The following PSPC1 variants were observed in gnomAD, a reference collection of about 807,000 sequenced individuals.
The protein encoded by PSPC1 is paraspeckle component 1.
A neutral mutation model predicts 51.6 loss-of-function variants in PSPC1; 14 were observed. The observed-to-expected ratio is 0.27, with a 90% CI of 0.18 to 0.42. The LOEUF is 0.42. Ranked by LOEUF, PSPC1 falls within the 10% of genes least tolerant of loss-of-function variation. The pLI, the probability that PSPC1 is intolerant of heterozygous loss-of-function variation, is 1.00. For synonymous variants in PSPC1, 193 were observed against 231.9 expected (o/e 0.83, Z 1.53); for missense variants, 406 against 701.1 (o/e 0.58, Z 4.75).
At chr13:19,747,980 A>G (rs932548460) in intron 4 of PSPC1, among the ~76,000 whole-genome samples, 1 of 152,188 alleles carries the variant, frequency 6.6e-6, no homozygotes, top group African/African-American at 2.4e-5. Flanking sequence ...GTGGGAGGTC[A>G]AGGCAGGTAG....
chr13:19,700,186 T>C (rs993652518), downstream of PSPC1, among the ~76,000 whole-genome samples: 2 of 152,108 alleles, frequency 1.3e-5, no homozygotes, highest in Admixed American at 6.5e-5. Flanking sequence ...CATTGCTATT[T>C]AGCAATTATT....
chr13:19,686,050 C>A (rs879713515), intron 6 of PSPC1, among the ~76,000 whole-genome samples: 6 of 152,230 alleles, frequency 3.9e-5, no homozygotes, highest in Non-Finnish European at 7.3e-5. Context: ...CCTCTCTCAA[C>A]TCTCCTGACT....
intron 3 of PSPC1, among the ~76,000 whole-genome samples, chr13:19,755,837 G>A (rs1043310363): frequency 7.9e-5 from 12 of 152,128 alleles, no homozygotes; most frequent in Non-Finnish European, 1.5e-5. Flanking sequence ...AATCCAGCCA[G>A]GACAGTTGCT....
At chr13:19,762,317 G>T (rs1887670388) in intron 2 of PSPC1, among the ~76,000 whole-genome samples, 1 of 152,170 alleles carries the variant, frequency 6.6e-6, no homozygotes, top group African/African-American at 2.4e-5. Context: ...CAGCACTTTG[G>T]GAGGCCGAGG....
chr13:19,774,259 T>C (rs1160303349), intron 1 of PSPC1, among the ~76,000 whole-genome samples: 1 of 152,144 alleles, frequency 6.6e-6, no homozygotes, highest in Non-Finnish European at 1.5e-5. Flanking sequence ...ATGGGAACTC[T>C]CCAAGGACAA....
At chr13:19,726,989 AAT>A (rs1187668665) in intron 6 of PSPC1, among the ~76,000 whole-genome samples, 1 of 152,240 alleles carries the variant, frequency 6.6e-6, no homozygotes, top group African/African-American at 2.4e-5. Context: ...AATAAGCTTT[AAT>A]AGTAAGTCAG....
intron 6 of PSPC1, among the ~76,000 whole-genome samples, chr13:19,723,518 T>C (rs766592010): frequency 3.3e-5 from 5 of 152,220 alleles, no homozygotes; most frequent in Admixed American, 1.3e-4. Flanking sequence ...AGTATGCATG[T>C]TCATTTGTCC....
intron 2 of PSPC1, among the ~76,000 whole-genome samples, chr13:19,770,064 T>A (rs539031284): frequency 2.6e-5 from 4 of 152,246 alleles, no homozygotes; most frequent in African/African-American, 9.6e-5. Flanking sequence ...CATAGTTATG[T>A]CCATACCATG....
downstream of PSPC1, chr13:19,673,199 G>C (rs893812821): frequency 6.8e-6 from 3 of 440,542 alleles, no homozygotes; most frequent in African/African-American, 2.1e-5. Context: ...AGCTGTGTGG[G>C]AGCCACCACC....
At chr13:19,698,736 G>A (rs1879538679), downstream of PSPC1, among the ~76,000 whole-genome samples, 1 of 151,840 alleles carries the variant, frequency 6.6e-6, no homozygotes, top group South Asian at 2.1e-4. Flanking sequence ...TAAAAATACA[G>A]GATCTTTCGC....
At chr13:19,699,185 T>C (rs1879616359), downstream of PSPC1, among the ~76,000 whole-genome samples, 1 of 151,896 alleles carries the variant, frequency 6.6e-6, no homozygotes, top group Non-Finnish European at 1.5e-5. Context: ...AAGACACTAC[T>C]TTTGATATTT....
At position 19,750,729 on chromosome 13, in the gene PSPC1, G is replaced by A. The variant is rs1449689927; in HGVS notation, c.967+542C>T. ...TTGATACTGGCACAATTTAATACCC[G>A]CAAATTACCTCCAACACTACTGCTT... On this transcript the variant is annotated intron_variant, in intron 4 of 8. Coordinates refer to ENST00000338910, the MANE Select transcript of PSPC1 (RefSeq NM_001354909.2). 4.1e-4 allele frequency among the ~76,000 whole-genome samples: 62 copies of A among 151,900 alleles called. 1 individual carries two copies. The highest frequency in any genetic ancestry group is 3.9e-3 in the Admixed American group (59 of 15,224).
chr13:19,713,331 T>C lies in PSPC1; in HGVS notation c.1159-3732A>G, dbSNP rs1335896798. On this transcript the variant is annotated intron_variant, in intron 6 of 8. Coordinates refer to ENST00000338910, the MANE Select transcript of PSPC1 (RefSeq NM_001354909.2). ...TGAAAACTCAGTTTTACATTATTGATTCAACTCTATGAAGTAGGCCTACTG... is the reference window on the plus strand; with the variant it reads ...TGAAAACTCAGTTTTACATTATTGACTCAACTCTATGAAGTAGGCCTACTG... 6.6e-5 allele frequency among the ~76,000 whole-genome samples: 10 copies of C among 152,180 alleles called. No individual in the cohort carries two copies. In the South Asian group the frequency reaches 2.1e-3, roughly 32 times the overall value.
intron 7 of PSPC1, among the ~76,000 whole-genome samples, chr13:19,677,115 C>T (rs1876735647): frequency 6.6e-6 from 1 of 152,054 alleles, no homozygotes; most frequent in Non-Finnish European, 1.5e-5. Flanking sequence ...CGCCTGTGGT[C>T]CCAGCTACTC....
chr13:19,770,064 T>C (rs539031284), intron 2 of PSPC1, among the ~76,000 whole-genome samples: 1,641 of 152,244 alleles, frequency 0.011, 28 homozygotes, highest in African/African-American at 0.038. Context: ...CATAGTTATG[T>C]CCATACCATG....
At position 19,751,394 on chromosome 13, in the gene PSPC1, G is replaced by T; in HGVS notation, c.844C>A (p.Leu282Ile). ...CGCTGCTGCTTTTCCATTTCATCAA[G>T]AGCCTTCCATCGAGATGCATACTCA... ...EFEYASRWKA[L>I]DEMEKQQREQ... The change falls in exon 4 of 9, where the codon CTT becomes ATT. Residue 282 changes from leucine (L) to isoleucine (I), a missense_variant. By Grantham distance (5) the Leu-to-Ile change is conservative. Around this residue, in one of 5 missense-constraint regions of PSPC1, gnomAD observed 180 missense variants for 337.9 expected, o/e 0.53. Coordinates refer to ENST00000338910, the MANE Select transcript of PSPC1 (RefSeq NM_001354909.2). 6.3e-7 allele frequency: 1 copy of T among 1,591,956 alleles called. No individual in the cohort carries two copies. The highest frequency in any genetic ancestry group is 8.5e-7 in the Non-Finnish European group (1 of 1,171,718).
At chr13:19,691,922 A>G (rs951487964) in intron 6 of PSPC1, among the ~76,000 whole-genome samples, 20 of 152,074 alleles carry the variant, frequency 1.3e-4, no homozygotes, top group African/African-American at 4.6e-4. Context: ...CATCTCAAAA[A>G]AGAGAGACCT....
chr13:19,737,461 T>C (rs1566011979), intron 5 of PSPC1, among the ~76,000 whole-genome samples: 1 of 152,196 alleles, frequency 6.6e-6, no homozygotes, highest in Non-Finnish European at 1.5e-5. Context: ...ATTATGCATA[T>C]CTGGTAAGAA....
At chr13:19,742,273 A>AC (rs1555241047) in intron 4 of PSPC1, among the ~76,000 whole-genome samples, 133 of 151,754 alleles carry the variant, frequency 8.8e-4, no homozygotes, top group Non-Finnish European at 1.5e-3. Context: ...AAAAAAAAAA[A>AC]AAACAAACAA....
Sources: allele counts gnomAD v4.1 joint callset (sites outside exome capture counted in the v4.1 genomes callset), GRCh38; gene constraint gnomAD v4.1.1; regional missense constraint gnomAD v4.1.1; transcripts MANE v1.5; gene names NCBI Gene and HGNC (gene_info 2026-07-23, HGNC 2026-07-21).